The following CFTR variants were observed in gnomAD, a reference collection of about 807,000 sequenced individuals.
CFTR encodes CF transmembrane conductance regulator.
In CFTR, 181 loss-of-function variants were observed where a neutral mutation model predicts 171.6. That is an observed-to-expected ratio of 1.05 (90% CI 0.93 to 1.19). CFTR has a LOEUF of 1.19. CFTR is among the 50% of genes most tolerant of loss of function. The pLI is 0.00. For synonymous variants in CFTR, 583 were observed against 608.0 expected, an observed-to-expected ratio of 0.96 and a Z score of 0.60; for missense variants, 1,968 against 1,734.7, an observed-to-expected ratio of 1.13 and a Z score of -2.39.
intron 3 of CFTR, among the ~76,000 whole-genome samples, chr7:117,524,590 C>T (rs1009442959): frequency 1.3e-5 from 2 of 151,952 alleles, no homozygotes; most frequent in Admixed American, 6.6e-5. Flanking sequence ...CCAAGATTTA[C>T]CTTAATTGTA....
At chr7:117,566,029 T>G (rs1401200451) in intron 11 of CFTR, among the ~76,000 whole-genome samples, 1 of 152,132 alleles carries the variant, frequency 6.6e-6, no homozygotes, top group Non-Finnish European at 1.5e-5. Context: ...GAATGGTCAA[T>G]CCACCACTGT....
rs575274487 is a variant in CFTR, at chr7:117,530,191, G to T, written c.274-708G>T. On this transcript the variant is annotated intron_variant, in intron 3 of 26. Transcript: ENST00000003084. Reference sequence around the variant, plus strand: ...GGAGTCCAGGAGTCATTGGAATCTGGCCTGAGGTTGAGGCTGCTGGCAAAA... The same window carrying T: ...GGAGTCCAGGAGTCATTGGAATCTGTCCTGAGGTTGAGGCTGCTGGCAAAA... Among the ~76,000 whole-genome samples the T allele has an allele frequency of 3.7e-4, 57 of 152,204 alleles. No homozygotes were observed. In the South Asian group the frequency reaches 0.012, roughly 32 times the overall value.
chr7:117,584,080 C>A (rs1033223893), intron 11 of CFTR, among the ~76,000 whole-genome samples: 1 of 151,846 alleles, frequency 6.6e-6, no homozygotes, highest in African/African-American at 2.4e-5. Context: ...AGTCCTTTAT[C>A]GGATGCATAG....
intron 3 of CFTR, among the ~76,000 whole-genome samples, chr7:117,517,230 C>G (rs1798609183): frequency 1.3e-5 from 2 of 152,072 alleles, no homozygotes; most frequent in Admixed American, 6.6e-5. Flanking sequence ...CTCACAGGCC[C>G]CTGTGTGTGA....
intron 20 of CFTR, among the ~76,000 whole-genome samples, chr7:117,612,051 A>ATATG (rs1792414188): frequency 1.4e-5 from 1 of 69,974 alleles, no homozygotes; most frequent in East Asian, 2.5e-4. Flanking sequence ...ATATATATAT[A>ATATG]TACATATATA....
In CFTR at chr7:117,627,728, C is replaced by A; in HGVS notation, c.3675C>A (p.Ala1225=). ...LTAKYTEGGN[A]ILENISFSIS... Reference sequence around the variant, plus strand: ...CAAAATACACAGAAGGTGGAAATGCCATATTAGAGAACATTTCCTTCTCAA... The same window carrying A: ...CAAAATACACAGAAGGTGGAAATGCAATATTAGAGAACATTTCCTTCTCAA... The change falls in exon 22 of 27, where the codon GCC becomes GCA. Residue 1225 remains alanine (A), a synonymous_variant. Transcript: ENST00000003084. 1.2e-6 allele frequency: 2 copies of A among 1,612,930 alleles called. No homozygotes were observed. The highest frequency in any genetic ancestry group is 2.2e-5 in the South Asian group (2 of 91,040).
chr7:117,643,290 G>A (rs999507634), intron 23 of CFTR, among the ~76,000 whole-genome samples: 2 of 152,064 alleles, frequency 1.3e-5, no homozygotes, highest in Non-Finnish European at 2.9e-5. Context: ...ATTTTCTCTA[G>A]TCTTTCCGGG....
intron 10 of CFTR, among the ~76,000 whole-genome samples, chr7:117,552,149 G>T (rs1799283027): frequency 1.3e-5 from 2 of 151,662 alleles, no homozygotes; most frequent in South Asian, 4.2e-4. Flanking sequence ...TCTTTTTAGA[G>T]ATTAGGTCTT....
intron 7 of CFTR, among the ~76,000 whole-genome samples, chr7:117,539,821 ATTATAATTTAAAAATAATAT>A (rs1161288310): frequency 1.4e-4 from 21 of 151,380 alleles, no homozygotes; most frequent in South Asian, 1.2e-3. Context: ...CAAATTATTA[ATTATAATTTAAAAATAATAT>A]TTATAATTTA....
intron 22 of CFTR, among the ~76,000 whole-genome samples, chr7:117,633,124 T>C (rs1053840342): frequency 6.6e-6 from 1 of 152,214 alleles, no homozygotes; most frequent in Non-Finnish European, 1.5e-5. Flanking sequence ...ATCTTGACAA[T>C]GTTGAAGCTT....
intron 21 of CFTR, among the ~76,000 whole-genome samples, chr7:117,620,730 G>T (rs1792561983): frequency 6.6e-6 from 1 of 152,078 alleles, no homozygotes; most frequent in Non-Finnish European, 1.5e-5. Flanking sequence ...TTACTTCCAG[G>T]GTTTAGATAA....
intron 1 of CFTR, among the ~76,000 whole-genome samples, chr7:117,502,395 C>T (rs1798346030): frequency 6.6e-6 from 1 of 152,220 alleles, no homozygotes; most frequent in African/African-American, 2.4e-5. Flanking sequence ...CCACAACCTG[C>T]TCATGTTTAT....
At chr7:117,651,429 A>C (rs528673019) in intron 23 of CFTR, among the ~76,000 whole-genome samples, 1 of 152,246 alleles carries the variant, frequency 6.6e-6, no homozygotes, top group African/African-American at 2.4e-5. Context: ...AATTCTCTTT[A>C]GTTTTTCAGA....
intron 15 of CFTR, among the ~76,000 whole-genome samples, chr7:117,598,773 A>G (rs1431690849): frequency 6.6e-6 from 1 of 152,198 alleles, no homozygotes; most frequent in Admixed American, 6.5e-5. Flanking sequence ...CTGTTCTATT[A>G]ACACCATGAA....
chr7:117,626,579 G>T (rs1055125824), intron 21 of CFTR, among the ~76,000 whole-genome samples: 2 of 151,822 alleles, frequency 1.3e-5, no homozygotes, highest in Non-Finnish European at 2.9e-5. Context: ...GATCAAAGAT[G>T]GTATCTTTTA....
chr7:117,566,887 T>G (rs7789741), intron 11 of CFTR, among the ~76,000 whole-genome samples: 25,687 of 152,138 alleles, frequency 0.17, 2,466 homozygotes, highest in Non-Finnish European at 0.22. Flanking sequence ...TTAATCACAA[T>G]TCTGGAACAA....
chr7:117,534,199 A>T (rs1425839974), intron 4 of CFTR, 77 bp from the exon 5 acceptor site: 3 of 712,648 alleles, frequency 4.2e-6, no homozygotes, highest in African/African-American at 1.8e-5. Context: ...TAACTGAATT[A>T]GTCATATTAT....
At chr7:117,556,109 G>A (rs183821791) in intron 10 of CFTR, among the ~76,000 whole-genome samples, 1 of 152,130 alleles carries the variant, frequency 6.6e-6, no homozygotes, top group East Asian at 1.9e-4. Flanking sequence ...ACTGTCACCA[G>A]GCTGGAGCAC....
Position 117,540,208 on chromosome 7 carries a change from A to G in CFTR, c.978A>G (p.Ala326=), listed in dbSNP as rs757622174. 10 of 1,613,904 alleles carry G rather than the reference A, an allele frequency of 6.2e-6. No individual in the cohort carries two copies. Among genetic ancestry groups the G allele is most frequent in the African/African-American group, 1.3e-5 (1 of 74,882 alleles). ...FVVFLSVLPY[A]LIKGIILRKI... ...TGTTTTTATCTGTGCTTCCCTATGC[A>G]CTAATCAAAGGAATCATCCTCCGGA... The change falls in exon 8 of 27, where the codon GCA becomes GCG. Residue 326 remains alanine, a synonymous_variant. Transcript: ENST00000003084.
Sources: allele counts gnomAD v4.1 joint callset (sites outside exome capture counted in the v4.1 genomes callset), GRCh38; gene constraint gnomAD v4.1.1; transcripts MANE v1.5; gene names NCBI Gene and HGNC (gene_info 2026-07-23, HGNC 2026-07-21).